Variants in ATRNL1 observed in about 807,000 individuals in gnomAD.
ATRNL1 encodes the protein attractin-like protein 1.
Under a neutral mutation model 182.7 loss-of-function variants are expected in ATRNL1, and 95 were observed. The observed-to-expected ratio is 0.52, with a 90% confidence interval of 0.44 to 0.62. The LOEUF (loss-of-function observed/expected upper bound fraction) is 0.62. ATRNL1 is among the 20% of genes least tolerant of loss of function. The pLI is 0.00. For synonymous variants in ATRNL1, 576 were observed against 568.3 expected, an observed-to-expected ratio of 1.01 and a Z score of -0.19; for missense variants, 1,471 against 1,679.5, an observed-to-expected ratio of 0.88 and a Z score of 2.17.
chr10:115,435,904 T>C (rs932374051), intron 21 of ATRNL1, among the ~76,000 whole-genome samples: 51 of 152,322 alleles, frequency 3.3e-4, no homozygotes, highest in African/African-American at 1.2e-3. Flanking sequence ...CTTAGAAATC[T>C]GTATGACTCA....
At chr10:115,616,693 G>C (rs1857445041) in intron 26 of ATRNL1, among the ~76,000 whole-genome samples, 2 of 152,206 alleles carry the variant, frequency 1.3e-5, no homozygotes, top group African/African-American at 4.8e-5. Flanking sequence ...AAGGCCAAAA[G>C]GACCGAGGTA....
chr10:115,257,351 C>G (rs1851194631), intron 10 of ATRNL1, among the ~76,000 whole-genome samples: 1 of 152,194 alleles, frequency 6.6e-6, no homozygotes, highest in Non-Finnish European at 1.5e-5. Flanking sequence ...GTTAGCTCTT[C>G]TTGTTAAATT....
At chr10:115,684,224 G>A (rs1003785630) in intron 26 of ATRNL1, among the ~76,000 whole-genome samples, 1 of 150,868 alleles carries the variant, frequency 6.6e-6, no homozygotes, top group Middle Eastern at 3.4e-3. Context: ...ATTTTTTTTA[G>A]TATATAGTAT....
At chr10:115,486,495 C>T (rs550026203) in intron 24 of ATRNL1, among the ~76,000 whole-genome samples, 80 of 152,198 alleles carry the variant, frequency 5.3e-4, no homozygotes, top group African/African-American at 1.3e-3. Flanking sequence ...CTCTAATCAC[C>T]GGTGATGATG....
intron 24 of ATRNL1, among the ~76,000 whole-genome samples, chr10:115,477,531 C>T (rs1554973389): frequency 2.6e-5 from 4 of 151,480 alleles, no homozygotes; most frequent in African/African-American, 7.3e-5. Context: ...TGTCTAACTT[C>T]CTCCTGACCC....
chr10:115,664,979 A>G (rs1161105472), intron 26 of ATRNL1, among the ~76,000 whole-genome samples: 2 of 152,176 alleles, frequency 1.3e-5, no homozygotes, highest in African/African-American at 2.4e-5. Flanking sequence ...TTTTAAAGCC[A>G]AAGATAAAAT....
At position 115,714,950 on chromosome 10, in the gene ATRNL1, A is replaced by C. The variant is rs1377556283; in HGVS notation, c.3796-12298A>C. On this transcript the variant is annotated intron_variant, in intron 26 of 28. Coordinates refer to ENST00000355044, the MANE Select transcript of ATRNL1 (RefSeq NM_207303.4). ...TGTCTTCTTAGCAGGAATATATCATAAGCCAATACATTCAAGAAAATTTAC... is the reference window on the plus strand; with the variant it reads ...TGTCTTCTTAGCAGGAATATATCATCAGCCAATACATTCAAGAAAATTTAC... Among the ~76,000 whole-genome samples, 3 of 152,202 alleles carry C rather than the reference A, an allele frequency of 2.0e-5. No homozygotes were observed. In the East Asian group the frequency reaches 5.8e-4, roughly 29 times the overall value.
chr10:115,759,141 G>A (rs141155546), intron 27 of ATRNL1, among the ~76,000 whole-genome samples: 61 of 152,190 alleles, frequency 4.0e-4, no homozygotes, highest in African/African-American at 1.3e-3. Context: ...TTTTGTTTAC[G>A]CGGATGCAGG....
intron 8 of ATRNL1, among the ~76,000 whole-genome samples, chr10:115,182,890 A>G (rs1287188079): frequency 6.6e-6 from 1 of 151,474 alleles, no homozygotes; most frequent in Non-Finnish European, 1.5e-5. Context: ...TATTGTCAAT[A>G]CACGATAGGA....
chr10:115,445,426 G>A (rs1192345150), intron 21 of ATRNL1, among the ~76,000 whole-genome samples: 7 of 69,052 alleles, frequency 1.0e-4, no homozygotes, highest in African/African-American at 1.2e-4. Flanking sequence ...GTGAGATTTC[G>A]CCTCAAAAAA....
intron 27 of ATRNL1, among the ~76,000 whole-genome samples, chr10:115,766,344 A>G (rs1038209115): frequency 1.3e-5 from 2 of 152,196 alleles, no homozygotes; most frequent in African/African-American, 4.8e-5. Context: ...GTGTGAAGGT[A>G]TGTGCTGTAG....
intron 26 of ATRNL1, among the ~76,000 whole-genome samples, chr10:115,647,453 C>T (rs1285841905): frequency 3.3e-5 from 5 of 152,156 alleles, no homozygotes; most frequent in Admixed American, 1.3e-4. Context: ...ACATCCTCTC[C>T]GGCACCTGTT....
intron 21 of ATRNL1, among the ~76,000 whole-genome samples, chr10:115,457,239 T>C (rs1010215444): frequency 3.3e-5 from 5 of 151,956 alleles, no homozygotes; most frequent in South Asian, 2.1e-4. Context: ...TGAGGCTGAG[T>C]CTGGGGTTTT....
chr10:115,144,922 T>C (rs1481510460), intron 5 of ATRNL1, among the ~76,000 whole-genome samples: 3 of 152,120 alleles, frequency 2.0e-5, no homozygotes, highest in Admixed American at 6.6e-5. Flanking sequence ...AATAAAAAAT[T>C]GAATTTGTGA....
At chr10:115,682,772 C>T (rs1446026619) in intron 26 of ATRNL1, among the ~76,000 whole-genome samples, 6 of 152,054 alleles carry the variant, frequency 3.9e-5, no homozygotes, top group African/African-American at 1.4e-4. Context: ...TCTAAAGGAA[C>T]AAAACAGTTG....
chr10:115,692,785 G>A (rs1946433755), intron 26 of ATRNL1, among the ~76,000 whole-genome samples: 1 of 151,972 alleles, frequency 6.6e-6, no homozygotes, highest in African/African-American at 2.4e-5. Context: ...TAAAAAACAA[G>A]TTGTAGTTGT....
At chr10:115,325,015 A>G (rs1554932735) in intron 18 of ATRNL1, among the ~76,000 whole-genome samples, 2 of 152,122 alleles carry the variant, frequency 1.3e-5, no homozygotes, top group Non-Finnish European at 2.9e-5. Flanking sequence ...ATTTCTGTGT[A>G]TATTTTTAAA....
intron 26 of ATRNL1, among the ~76,000 whole-genome samples, chr10:115,609,829 T>C (rs1592942480): frequency 6.6e-6 from 1 of 152,150 alleles, no homozygotes; most frequent in Admixed American, 6.6e-5. Context: ...CTGGCGTCCA[T>C]AGATCCCTCA....
intron 26 of ATRNL1, among the ~76,000 whole-genome samples, chr10:115,645,900 T>C (rs1479088876): frequency 2.0e-5 from 3 of 152,036 alleles, no homozygotes; most frequent in Non-Finnish European, 2.9e-5. Context: ...CACAGACATG[T>C]TTTAGTCCTT....
Sources: allele counts gnomAD v4.1 joint callset (sites outside exome capture counted in the v4.1 genomes callset), GRCh38; gene constraint gnomAD v4.1.1; transcripts MANE v1.5; gene names NCBI Gene and HGNC (gene_info 2026-07-23, HGNC 2026-07-21).